Variants in ARID1B observed in about 807,000 individuals in gnomAD.
The protein encoded by ARID1B is AT-rich interactive domain-containing protein 1B.
Under a neutral mutation model 212.3 loss-of-function variants are expected in ARID1B, and 30 were observed. The ratio of observed to expected loss-of-function variants is 0.14; its 90% confidence interval spans 0.11 to 0.19. The LOEUF is 0.19. Among genes scored for constraint, ARID1B ranks in the 10% least tolerant of loss-of-function variants. ARID1B has a pLI of 1.00. For synonymous variants in ARID1B, 1,402 were observed against 1,301.7 expected (o/e 1.08, Z -1.66); for missense variants, 2,891 against 3,204.0 (o/e 0.90, Z 2.36).
At chr6:157,159,854 T>C (rs1219136593) in intron 8 of ARID1B, among the ~76,000 whole-genome samples, 1 of 152,254 alleles carries the variant, frequency 6.6e-6, no homozygotes, top group Admixed American at 6.5e-5. Context: ...CCACTGAAAA[T>C]ATTATTCTTG....
intron 5 of ARID1B, among the ~76,000 whole-genome samples, chr6:157,089,518 A>G (rs1785149077): frequency 6.6e-6 from 1 of 152,162 alleles, no homozygotes; most frequent in South Asian, 2.1e-4. Flanking sequence ...AGGTAGCCAC[A>G]TGGATTCTCT....
At chr6:157,096,040 A>G (rs1785598760) in intron 5 of ARID1B, among the ~76,000 whole-genome samples, 1 of 152,192 alleles carries the variant, frequency 6.6e-6, no homozygotes, top group Non-Finnish European at 1.5e-5. Context: ...GCATTAAAGA[A>G]TAATGTGATT....
At chr6:156,884,741 G>T (rs972889452) in intron 2 of ARID1B, among the ~76,000 whole-genome samples, 4 of 152,240 alleles carry the variant, frequency 2.6e-5, no homozygotes, top group Non-Finnish European at 4.4e-5. Context: ...ACCACCGAAT[G>T]CCCAGATACT....
chr6:157,187,522 C>G (rs1014828643), intron 13 of ARID1B, among the ~76,000 whole-genome samples: 1 of 152,166 alleles, frequency 6.6e-6, no homozygotes, highest in South Asian at 2.1e-4. Flanking sequence ...CGCTCAACCC[C>G]GCCAGAACTA....
chr6:156,986,759 G>A (rs181569838), intron 4 of ARID1B, among the ~76,000 whole-genome samples: 153 of 152,204 alleles, frequency 1.0e-3, no homozygotes, highest in Admixed American at 3.3e-3. Flanking sequence ...TAAGGCCAAT[G>A]CTACCATTTT....
At chr6:156,960,449 T>C (rs1794295802) in intron 4 of ARID1B, among the ~76,000 whole-genome samples, 1 of 152,204 alleles carries the variant, frequency 6.6e-6, no homozygotes, top group Admixed American at 6.5e-5. Context: ...CATTTGGTAT[T>C]TAGTTTAATC....
At chr6:156,976,762 A>G (rs6932931) in intron 4 of ARID1B, 1 of 528,140 alleles carries the variant, frequency 1.9e-6, no homozygotes, top group Non-Finnish European at 3.7e-6. Flanking sequence ...AGCTTCATTC[A>G]TCAAAGTTAG....
chr6:157,005,929 C>T (rs927343695), intron 4 of ARID1B, among the ~76,000 whole-genome samples: 9 of 152,108 alleles, frequency 5.9e-5, no homozygotes, highest in Non-Finnish European at 4.4e-5. Flanking sequence ...GAAATGTATG[C>T]CATAGCGACA....
intron 4 of ARID1B, among the ~76,000 whole-genome samples, chr6:156,979,761 T>C (rs1000175275): frequency 1.3e-5 from 2 of 152,214 alleles, no homozygotes; most frequent in Admixed American, 6.5e-5. Flanking sequence ...TTTCACCACA[T>C]TGGCCAGGAT....
intron 2 of ARID1B, among the ~76,000 whole-genome samples, chr6:156,833,924 C>T (rs1023213121): frequency 1.3e-5 from 2 of 152,124 alleles, no homozygotes; most frequent in Non-Finnish European, 2.9e-5. Context: ...TTTATTTTGG[C>T]AGCAGATGTT....
chr6:157,178,186 T>A (rs1792238925), intron 11 of ARID1B, among the ~76,000 whole-genome samples: 1 of 152,146 alleles, frequency 6.6e-6, no homozygotes, highest in South Asian at 2.1e-4. Flanking sequence ...AAATCCTGTT[T>A]ATAGGATATT....
intron 7 of ARID1B, among the ~76,000 whole-genome samples, chr6:157,136,101 T>G (rs1263615024): frequency 1.3e-5 from 2 of 152,204 alleles, no homozygotes; most frequent in African/African-American, 4.8e-5. Flanking sequence ...CTAAGTGTTT[T>G]TTATATATTA....
chr6:156,849,769 C>T (rs967290022), intron 2 of ARID1B, among the ~76,000 whole-genome samples: 6 of 151,848 alleles, frequency 4.0e-5, no homozygotes, highest in African/African-American at 1.5e-4. Flanking sequence ...CCCTTAAGGA[C>T]CGTAGTTGGT....
chr6:157,004,585 A>C (rs1234229908), intron 4 of ARID1B, among the ~76,000 whole-genome samples: 1 of 152,182 alleles, frequency 6.6e-6, no homozygotes, highest in Non-Finnish European at 1.5e-5. Flanking sequence ...GTAATTCAGA[A>C]GGTAAAGTTG....
At chr6:157,000,629 G>C (rs1470517441) in intron 4 of ARID1B, among the ~76,000 whole-genome samples, 1 of 151,196 alleles carries the variant, frequency 6.6e-6, no homozygotes, top group Non-Finnish European at 1.5e-5. Flanking sequence ...TTTGGGGGTA[G>C]AGTGAGTGAT....
chr6:156,827,404 C>T (rs567153056), intron 1 of ARID1B, among the ~76,000 whole-genome samples: 1 of 152,218 alleles, frequency 6.6e-6, no homozygotes, highest in Non-Finnish European at 1.5e-5. Flanking sequence ...CTTGCTTCCT[C>T]CCACCACTGC....
chr6:156,873,435 A>T (rs573200029), intron 2 of ARID1B, among the ~76,000 whole-genome samples: 6 of 152,356 alleles, frequency 3.9e-5, no homozygotes, highest in Middle Eastern at 3.4e-3. Flanking sequence ...CTTTAAACTT[A>T]AAGCATATTT....
chr6:157,084,142 C>CCA (rs1784811885), intron 4 of ARID1B, among the ~76,000 whole-genome samples: 2 of 147,622 alleles, frequency 1.4e-5, no homozygotes, highest in African/African-American at 5.0e-5. Context: ...CACCTCCCCC[C>CCA]CAAAAAAAAA....
At chr6:156,963,884 T>C (rs916836444) in intron 4 of ARID1B, among the ~76,000 whole-genome samples, 2 of 152,276 alleles carry the variant, frequency 1.3e-5, no homozygotes, top group Non-Finnish European at 2.9e-5. Flanking sequence ...GCATGAACTA[T>C]GCCCACGTGG....
Sources: gnomAD v4.1 joint callset for allele counts (sites outside exome capture counted in the v4.1 genomes callset) on GRCh38, gnomAD v4.1.1 for gene constraint, MANE v1.5 for transcripts, NCBI Gene and HGNC (gene_info 2026-07-23, HGNC 2026-07-21) for gene names.